The following SCAMP3 variants were observed in gnomAD, a reference collection of about 807,000 sequenced individuals.
The protein encoded by SCAMP3 is secretory carrier-associated membrane protein 3.
A neutral mutation model predicts 44.1 loss-of-function variants in SCAMP3; 30 were observed. That is an observed-to-expected ratio of 0.68 (90% confidence interval 0.51 to 0.92). The LOEUF is 0.92. Ranked by LOEUF, SCAMP3 falls within the 40% of genes least tolerant of loss-of-function variation. SCAMP3 has a pLI of 0.00. For synonymous variants in SCAMP3, 168 were observed against 171.1 expected, an observed-to-expected ratio of 0.98 and a Z score of 0.14; for missense variants, 394 against 440.0, an observed-to-expected ratio of 0.90 and a Z score of 0.93.
At position 155,262,355 on chromosome 1, in the gene SCAMP3, G is replaced by C; in HGVS notation, c.-204C>G. On this transcript the variant is annotated 5_prime_UTR_variant, in exon 1 of 9. Transcript: ENST00000302631. ...CTGCGTCTTGTCCAAAAGCTAAGAC[G>C]AAAGTGCCCCCACGTGATACCTCTA... The C allele has an allele frequency of 1.7e-6, 1 of 576,114 alleles. No homozygotes were observed. The highest frequency in any genetic ancestry group is 3.1e-6 in the Non-Finnish European group (1 of 324,692). The allele number at this position is 576,114 out of a possible 1,614,324, so 35.7% of individuals were successfully genotyped here. A position where few individuals can be genotyped will look rare whatever the true frequency, so the allele number is the denominator to read the frequency against.
At chr1:155,258,315 G>A (rs56894225) in intron 5 of SCAMP3, among the ~76,000 whole-genome samples, 4,967 of 128,210 alleles carry the variant, frequency 0.039, 116 homozygotes, top group South Asian at 0.066. Flanking sequence ...CACCGTGCCC[G>A]GCCTTTTTTT....
chr1:155,259,017 T>A, intron 4 of SCAMP3, 63 bp from the exon 5 acceptor site: 3 of 1,180,546 alleles, frequency 2.5e-6, no homozygotes, highest in Non-Finnish European at 3.6e-6. Context: ...AAGGAATCAC[T>A]CCCCCTTCTC....
intron 2 of SCAMP3, among the ~76,000 whole-genome samples, chr1:155,260,968 C>A (rs1405518294): frequency 1.3e-5 from 2 of 151,660 alleles, no homozygotes; most frequent in African/African-American, 4.9e-5. Context: ...CTCTCTGCCA[C>A]CCAGGCTGGA....
At position 155,256,782 on chromosome 1, in the gene SCAMP3, G is replaced by A. The variant is rs777622730; in HGVS notation, c.789C>T (p.Ile263=). 2.2e-5 allele frequency: 35 copies of A among 1,613,748 alleles called. No individual in the cohort carries two copies. Among genetic ancestry groups the A allele is most frequent in the Non-Finnish European group, 1.6e-5 (19 of 1,179,748 alleles). Residue 263 remains isoleucine (I), a synonymous_variant, in exon 8 of 9, where the codon ATC becomes ATT. Transcript: ENST00000302631. ...GIPGWGFSGW[I]SALVVPKGNT... ...TGCCCTTCGGCACCACCAGAGCAGA[G>A]ATCCAGCCACTGTAAAGGGAAGGAT... is the stretch of plus-strand genomic sequence containing the variant.
chr1:155,261,888 T>C (rs1177232581), intron 1 of SCAMP3, 154 bp from the exon 2 acceptor site: 16 of 820,522 alleles, frequency 1.9e-5, no homozygotes, highest in Non-Finnish European at 3.0e-5. Flanking sequence ...AAATCCATCA[T>C]CCAACACTGC....
intron 8 of SCAMP3, 46 bp downstream of exon 8, chr1:155,256,627 GA>G: frequency 6.5e-7 from 1 of 1,539,658 alleles, no homozygotes; most frequent in Non-Finnish European, 9.0e-7. Flanking sequence ...CGCCCCTGGG[GA>G]CCCATGATCT....
intron 5 of SCAMP3, among the ~76,000 whole-genome samples, chr1:155,258,058 G>A (rs929118990): frequency 9.8e-5 from 14 of 142,524 alleles, no homozygotes; most frequent in African/African-American, 1.0e-4. Context: ...TCGCTCTGTC[G>A]CCCAGGCTGG....
chr1:155,257,541 A>T lies in SCAMP3; in HGVS notation c.634T>A (p.Cys212Ser). ...GGGCGGTACCAGCAGACAAAGGAGC[A>T]GGGAGTGAAAAGGAGGACCCAGAGG... ...SILWVLLFTP[C>S]SFVCWYRPMY... is the part of the protein sequence containing the mutation. Residue 212 changes from cysteine (C) to serine (S), a missense_variant, in exon 6 of 9, where the codon TGC (cysteine) becomes AGC (serine). Physicochemically the swap from Cys to Ser is moderately radical, Grantham distance 112. Coordinates refer to ENST00000302631, the MANE Select transcript of SCAMP3 (RefSeq NM_005698.4). The T allele has an allele frequency of 1.9e-6, 3 of 1,611,962 alleles. No homozygotes were observed. The highest frequency in any genetic ancestry group is 2.5e-6 in the Non-Finnish European group (3 of 1,178,882).
intron 4 of SCAMP3, 90 bp from the exon 5 acceptor site, chr1:155,259,044 CTCTTT>C (rs1279599826): frequency 7.1e-5 from 54 of 759,600 alleles, no homozygotes; most frequent in Non-Finnish European, 7.5e-5. Flanking sequence ...CCTGGATCCT[CTCTTT>C]TTTTTTTTTT....
chr1:155,261,571 G>T, intron 2 of SCAMP3, 86 bp downstream of exon 2: 1 of 1,161,722 alleles, frequency 8.6e-7, no homozygotes, highest in Non-Finnish European at 1.3e-6. Flanking sequence ...TCCTGTGCAT[G>T]CAGAAAAGTC....
At position 155,261,857 on chromosome 1, in the gene SCAMP3, G is replaced by C. The variant is rs1187039009; in HGVS notation, c.67-123C>G. The C allele has an allele frequency of 4.2e-6, 4 of 945,612 alleles. No individual in the cohort carries two copies. In the African/African-American group the frequency reaches 6.5e-5, roughly 15 times the overall value. The allele number at this position is 945,612 out of a possible 1,614,324, so 58.6% of individuals were successfully genotyped here. ...CTTCGGGGCCACGCCGTTGTCCCAGGACTGGGACAACATTTACCTCAAATC... is the reference window on the plus strand; with the variant it reads ...CTTCGGGGCCACGCCGTTGTCCCAGCACTGGGACAACATTTACCTCAAATC... On this transcript the variant is annotated intron_variant, in intron 1 of 8. Transcript: ENST00000302631.
At chr1:155,256,494 C>T (rs1672800519) in intron 8 of SCAMP3, 75 bp from the exon 9 acceptor site, 6 of 1,516,306 alleles carry the variant, frequency 4.0e-6, no homozygotes, top group African/African-American at 1.4e-5. Context: ...AGCATCACTA[C>T]CACTCAGCAG....
intron 4 of SCAMP3, among the ~76,000 whole-genome samples, chr1:155,259,752 T>C (rs2148121409): frequency 6.6e-6 from 1 of 152,308 alleles, no homozygotes; most frequent in East Asian, 1.9e-4. Flanking sequence ...ATTTAAAACA[T>C]CTAAGCACTG....
chr1:155,261,863 GACA>G (rs1421651229), intron 1 of SCAMP3, 129 bp from the exon 2 acceptor site: 12 of 922,224 alleles, frequency 1.3e-5, no homozygotes, highest in Admixed American at 2.1e-5. Flanking sequence ...CCAGGACTGG[GACA>G]ACATTTACCT....
intron 4 of SCAMP3, among the ~76,000 whole-genome samples, chr1:155,259,165 GCTT>G (rs1163224361): frequency 2.2e-5 from 3 of 138,446 alleles, no homozygotes; most frequent in East Asian, 2.1e-4. Flanking sequence ...TCCCACCTCA[GCTT>G]TTTTTTTTTT....
At chr1:155,261,993 A>G (rs1364757154) in intron 1 of SCAMP3, 93 bp downstream of exon 1, 2 of 1,304,412 alleles carry the variant, frequency 1.5e-6, no homozygotes, top group African/African-American at 2.9e-5. Context: ...CCCAGGATCA[A>G]ATGTCACAAA....
Position 155,258,952 on chromosome 1 carries a change from G to A in SCAMP3, c.391C>T (p.Arg131Ter), listed in dbSNP as rs1672882768. 3 of 1,608,996 alleles carry A rather than the reference G, an allele frequency of 1.9e-6. No individual in the cohort carries two copies. The highest frequency in any genetic ancestry group is 2.5e-6 in the Non-Finnish European group (3 of 1,178,126). ...QHAALGGTAT[R>*]QNNWPPLPSF... Reference sequence around the variant, plus strand: ...GGTAGAGGGGGCCAATTGTTCTGTCGAGCTGTAAGGCACAAAAAAACAGGT... The same window carrying A: ...GGTAGAGGGGGCCAATTGTTCTGTCAAGCTGTAAGGCACAAAAAAACAGGT... The change falls in exon 5 of 9, where the codon CGA becomes TGA. Residue 131 changes from arginine (R) to a stop codon, truncating the protein, a stop_gained and splice_region_variant. Transcript: ENST00000302631. LOFTEE classifies it high-confidence loss of function.
chr1:155,258,318 C>CTTTTTT lies in SCAMP3; in HGVS notation c.517+502_517+507dup, dbSNP rs71996352. Among the ~76,000 whole-genome samples, 174 of 86,394 alleles carry CTTTTTT rather than the reference C, an allele frequency of 2.0e-3. 4 individuals carry two copies. Among genetic ancestry groups the CTTTTTT allele is most frequent in the Non-Finnish European group, 2.9e-3 (112 of 38,846 alleles). 56.7% of individuals were successfully genotyped at this position (86,394 alleles called of 152,430 possible). On this transcript the variant is annotated intron_variant, in intron 5 of 8. Transcript: ENST00000302631. ...ACAGGTGTGAGCCACCGTGCCCGGC[C>CTTTTTT]TTTTTTTTTTTTTTTTTTTTTTTTT...
At chr1:155,259,073 T>G in intron 4 of SCAMP3, 119 bp from the exon 5 acceptor site, 2 of 840,178 alleles carry the variant, frequency 2.4e-6, no homozygotes, top group Non-Finnish European at 3.5e-6. Flanking sequence ...TTTTTTGAGA[T>G]AGGGTCTCTG....
Sources: gnomAD v4.1 joint callset for allele counts (sites outside exome capture counted in the v4.1 genomes callset) on GRCh38, gnomAD v4.1.1 for gene constraint, MANE v1.5 for transcripts, NCBI Gene and HGNC (gene_info 2026-07-23, HGNC 2026-07-21) for gene names.